Variants in LANCL3 observed in about 807,000 individuals in gnomAD.
LANCL3 encodes lanC-like protein 3.
In LANCL3, 19 loss-of-function variants were observed where a neutral mutation model predicts 26.5. The ratio of observed to expected loss-of-function variants is 0.72; its 90% CI spans 0.50 to 1.05. The LOEUF is 1.05. LANCL3 is among the 50% of genes least tolerant of loss of function. The probability of loss-of-function intolerance (pLI) is 0.00; values close to 1 mark genes in which losing one functional copy is unlikely to be tolerated. For missense variants in LANCL3, 318 were observed against 362.7 expected (o/e 0.88, Z 1.00); for synonymous variants, 160 against 166.6 (o/e 0.96, Z 0.30).
intron 1 of LANCL3, among the ~76,000 whole-genome samples, chrX:37,590,652 C>A (rs1460987101): frequency 8.9e-6 from 1 of 112,114 alleles, no homozygotes; most frequent in African/African-American, 3.2e-5. Flanking sequence ...TATCCCTAAT[C>A]GGGGCTGGGG....
intron 1 of LANCL3, 93 bp from the exon 2 acceptor site, chrX:37,655,595 G>A: frequency 1.4e-6 from 1 of 717,883 alleles, no homozygotes; most frequent in African/African-American, 2.2e-5. Flanking sequence ...GGATTCTGTG[G>A]ATATGATGCT....
In LANCL3 at chrX:37,678,723, C is replaced by T. The variant is rs1296588566; in HGVS notation, c.*2910C>T. On this transcript the variant is annotated 3_prime_UTR_variant, in exon 5 of 5. Transcript: ENST00000378619. ...CTTGTAACTTGATAACTGAGTAGAACAGGGGTTTGCTAGAGTATATTTCCC... is the reference window on the plus strand; with the variant it reads ...CTTGTAACTTGATAACTGAGTAGAATAGGGGTTTGCTAGAGTATATTTCCC... 1 of 111,349 alleles carries T rather than the reference C, an allele frequency of 9.0e-6. No homozygotes were observed. The highest frequency in any genetic ancestry group is 1.9e-5 in the Non-Finnish European group (1 of 52,987). 9.2% of individuals were successfully genotyped at this position (111,349 alleles called of 1,213,427 possible). A position where few individuals can be genotyped will look rare whatever the true frequency, so the allele number is the denominator to read the frequency against.
intron 1 of LANCL3, among the ~76,000 whole-genome samples, chrX:37,610,688 T>C (rs1465035564): frequency 1.8e-5 from 2 of 111,596 alleles, no homozygotes; most frequent in Non-Finnish European, 3.8e-5. Flanking sequence ...GTCACAGAGC[T>C]GAGAAGGAGA....
chrX:37,656,344 CCTGCCT>C (rs1926283715), intron 2 of LANCL3, among the ~76,000 whole-genome samples: 1 of 111,207 alleles, frequency 9.0e-6, no homozygotes. Flanking sequence ...TTATGGACCA[CCTGCCT>C]CTTTCTCTAG....
chrX:37,596,341 A>G (rs781793738), intron 1 of LANCL3, among the ~76,000 whole-genome samples: 4 of 111,932 alleles, frequency 3.6e-5, no homozygotes, highest in Non-Finnish European at 5.6e-5. Context: ...AGCGCAAGTG[A>G]CTTCTTAGAG....
chrX:37,648,688 G>A (rs1253435289), intron 1 of LANCL3, among the ~76,000 whole-genome samples: 1 of 111,701 alleles, frequency 9.0e-6, no homozygotes, highest in African/African-American at 3.3e-5. Flanking sequence ...TACGGAATGG[G>A]AGAAAATTTT....
rs1264981514 is a variant in LANCL3 at position 37,677,954 on chromosome X, C to G, written c.*2141C>G. On this transcript the variant is annotated 3_prime_UTR_variant, in exon 5 of 5. Transcript: ENST00000378619. ...CTTGAGACCTGAAACCTAAAGCACT[C>G]AGAACTGATACTCTAGTTCATTATC... 1 of 111,847 alleles carries G rather than the reference C, an allele frequency of 8.9e-6. No individual in the cohort carries two copies. Among genetic ancestry groups the G allele is most frequent in the African/African-American group, 3.2e-5 (1 of 30,839 alleles). 9.2% of individuals were successfully genotyped at this position (111,847 alleles called of 1,213,427 possible).
chrX:37,653,011 G>T (rs1374865299), intron 1 of LANCL3, among the ~76,000 whole-genome samples: 2 of 111,425 alleles, frequency 1.8e-5, no homozygotes, highest in African/African-American at 6.5e-5. Context: ...GGTAGGTCTT[G>T]TCTGTTCCCA....
intron 4 of LANCL3, among the ~76,000 whole-genome samples, chrX:37,672,528 G>T (rs1421292439): frequency 8.9e-6 from 1 of 111,982 alleles, no homozygotes; most frequent in Non-Finnish European, 1.9e-5. Flanking sequence ...CCAGGGTCAG[G>T]TCTTTTTATG....
intron 1 of LANCL3, among the ~76,000 whole-genome samples, chrX:37,635,124 G>A (rs968601887): frequency 9.0e-6 from 1 of 111,517 alleles, no homozygotes; most frequent in African/African-American, 3.3e-5. Context: ...GATCTGGACA[G>A]ACTTCTTTGA....
chrX:37,585,802 G>A (rs1298068136), intron 1 of LANCL3, among the ~76,000 whole-genome samples: 3 of 111,526 alleles, frequency 2.7e-5, no homozygotes, highest in African/African-American at 9.8e-5. Context: ...TTACATTTAA[G>A]GTTAATATTG....
chrX:37,623,191 G>A (rs1925215567), intron 1 of LANCL3, among the ~76,000 whole-genome samples: 1 of 111,608 alleles, frequency 9.0e-6, no homozygotes, highest in Non-Finnish European at 1.9e-5. Flanking sequence ...TGAATGTTGT[G>A]GATTTATTTA....
intron 3 of LANCL3, among the ~76,000 whole-genome samples, chrX:37,666,161 C>A (rs1419661260): frequency 9.0e-6 from 1 of 111,689 alleles, no homozygotes; most frequent in Non-Finnish European, 1.9e-5. Context: ...ATGTATGAAC[C>A]ATTTTACTGA....
At chrX:37,623,013 C>A (rs1159354039) in intron 1 of LANCL3, among the ~76,000 whole-genome samples, 1 of 111,975 alleles carries the variant, frequency 8.9e-6, no homozygotes, top group Non-Finnish European at 1.9e-5. Context: ...ACAATTGGCA[C>A]CTTTTCATAG....
At chrX:37,583,905 A>G (rs1923976734) in intron 1 of LANCL3, among the ~76,000 whole-genome samples, 1 of 111,985 alleles carries the variant, frequency 8.9e-6, no homozygotes, top group African/African-American at 3.3e-5. Flanking sequence ...CAGTTTTCAA[A>G]GGGAATGCTT....
chrX:37,573,702 C>T (rs190815369), intron 1 of LANCL3, among the ~76,000 whole-genome samples: 1 of 112,099 alleles, frequency 8.9e-6, no homozygotes, highest in African/African-American at 3.2e-5. Context: ...ATTTGCATTG[C>T]ATTTGCATCT....
At chrX:37,639,900 A>G (rs1925819282) in intron 1 of LANCL3, among the ~76,000 whole-genome samples, 2 of 111,727 alleles carry the variant, frequency 1.8e-5, no homozygotes, top group Non-Finnish European at 3.8e-5. Context: ...CATTTCTTTC[A>G]TATGTCCATC....
At chrX:37,626,399 T>G in intron 1 of LANCL3, among the ~76,000 whole-genome samples, 1 of 112,362 alleles carries the variant, frequency 8.9e-6, no homozygotes, top group Non-Finnish European at 1.9e-5. Context: ...CATGAGTTGA[T>G]GAGTGAATGA....
At chrX:37,576,561 G>A (rs1331136331) in intron 1 of LANCL3, among the ~76,000 whole-genome samples, 5 of 111,673 alleles carry the variant, frequency 4.5e-5, no homozygotes, top group African/African-American at 6.5e-5. Flanking sequence ...ATTAATAAGA[G>A]CTTCTTCGTT....
Sources: gnomAD v4.1 joint callset for allele counts (sites outside exome capture counted in the v4.1 genomes callset) on GRCh38, gnomAD v4.1.1 for gene constraint, MANE v1.5 for transcripts, NCBI Gene and HGNC (gene_info 2026-07-23, HGNC 2026-07-21) for gene names.